FAM13C: variants seen among roughly 807,000 people sequenced by gnomAD.
FAM13C encodes family with sequence similarity 13 member C.
FAM13C carries 37 observed loss-of-function variants against 73.2 expected under a neutral mutation model. The observed-to-expected ratio is 0.51, with a 90% CI of 0.39 to 0.67. FAM13C has a LOEUF of 0.67. Among genes scored for constraint, FAM13C ranks in the 30% least tolerant of loss-of-function variants. The pLI is 0.00. For synonymous variants in FAM13C, 246 were observed against 260.9 expected (o/e 0.94, Z 0.55); for missense variants, 589 against 715.6 (o/e 0.82, Z 2.02).
At chr10:59,287,915 G>T (rs1589462558) in intron 5 of FAM13C, among the ~76,000 whole-genome samples, 1 of 152,102 alleles carries the variant, frequency 6.6e-6, no homozygotes, top group Non-Finnish European at 1.5e-5. Flanking sequence ...TACCCCCCAG[G>T]GTCTTATTTC....
intron 6 of FAM13C, among the ~76,000 whole-genome samples, chr10:59,277,193 T>C (rs1197190710): frequency 6.6e-6 from 1 of 152,176 alleles, no homozygotes. Flanking sequence ...ACTAAGCTAT[T>C]AGTTTAATCA....
At chr10:59,338,901 A>C (rs1474176265) in intron 3 of FAM13C, among the ~76,000 whole-genome samples, 1 of 152,196 alleles carries the variant, frequency 6.6e-6, no homozygotes, top group Non-Finnish European at 1.5e-5. Flanking sequence ...GTGACAGATT[A>C]CCATAATTTG....
intron 4 of FAM13C, among the ~76,000 whole-genome samples, chr10:59,310,696 G>T (rs1264789687): frequency 6.6e-6 from 1 of 152,074 alleles, no homozygotes; most frequent in Non-Finnish European, 1.5e-5. Context: ...CCAGGCCAAT[G>T]AACTCCCAAG....
chr10:59,292,317 C>G (rs1472810289), intron 5 of FAM13C, among the ~76,000 whole-genome samples: 1 of 152,206 alleles, frequency 6.6e-6, no homozygotes, highest in Non-Finnish European at 1.5e-5. Context: ...AACTCCAAAG[C>G]TAGTCTGGGT....
intron 5 of FAM13C, among the ~76,000 whole-genome samples, chr10:59,288,674 T>C (rs1326362951): frequency 2.0e-5 from 3 of 151,924 alleles, no homozygotes; most frequent in Admixed American, 6.6e-5. Flanking sequence ...AAGTGGCAAA[T>C]GGAATAGGAG....
At chr10:59,316,868 C>T (rs1360484598) in intron 4 of FAM13C, among the ~76,000 whole-genome samples, 1 of 151,860 alleles carries the variant, frequency 6.6e-6, no homozygotes, top group Non-Finnish European at 1.5e-5. Flanking sequence ...TTAAGCAGGA[C>T]AAACAAGTTA....
In FAM13C at chr10:59,341,425, C is replaced by T. The variant is rs1246914997; in HGVS notation, c.324+10845G>A. 2.6e-5 allele frequency among the ~76,000 whole-genome samples: 4 copies of T among 152,268 alleles called. 1 individual carries two copies. Among genetic ancestry groups the T allele is most frequent in the Admixed American group, 2.0e-4 (3 of 15,298 alleles). On this transcript the variant is annotated intron_variant, in intron 3 of 13. Transcript: ENST00000618804. ...ATCCCTGGCCAGGCGCAGTGGCTCA[C>T]GCCTGTAATCCCAGCACTTTGAGAG...
intron 3 of FAM13C, among the ~76,000 whole-genome samples, chr10:59,328,111 G>A (rs376926722): frequency 6.6e-6 from 1 of 152,124 alleles, no homozygotes; most frequent in Admixed American, 6.5e-5. Context: ...ACCTCAGTGG[G>A]GTGATTTGTT....
At chr10:59,307,940 C>T (rs1848450134) in intron 4 of FAM13C, among the ~76,000 whole-genome samples, 1 of 152,114 alleles carries the variant, frequency 6.6e-6, no homozygotes, top group African/African-American at 2.4e-5. Flanking sequence ...TGATGGAGAA[C>T]TGGAACAGTA....
intron 6 of FAM13C, among the ~76,000 whole-genome samples, chr10:59,281,388 G>T (rs764785530): frequency 6.6e-6 from 1 of 152,066 alleles, no homozygotes; most frequent in Non-Finnish European, 1.5e-5. Flanking sequence ...AGTCACAAAG[G>T]CACCTTACAA....
At position 59,355,923 on chromosome 10, in the gene FAM13C, G is replaced by C; in HGVS notation, c.83C>G (p.Ser28Cys). The C allele has an allele frequency of 6.2e-7, 1 of 1,614,046 alleles. No homozygotes were observed. Among genetic ancestry groups the C allele is most frequent in the Non-Finnish European group, 8.5e-7 (1 of 1,179,932 alleles). ...TVTECDEDPVSLHEDQTDCSS... is the reference protein window; with the variant it reads ...TVTECDEDPVCLHEDQTDCSS... ...GCAATCAGTCTGGTCTTCATGTAGA[G>C]AGACTGGATCTTCGTCACACCTGGA... Residue 28 changes from serine (S) to cysteine (C), a missense_variant, in exon 2 of 14, where the codon TCT becomes TGT. Physicochemically the swap from Ser to Cys is moderately radical, Grantham distance 112. Transcript: ENST00000618804.
intron 3 of FAM13C, among the ~76,000 whole-genome samples, chr10:59,340,224 AAT>A (rs1491306392): frequency 1.3e-5 from 2 of 152,240 alleles, no homozygotes; most frequent in South Asian, 2.1e-4. Context: ...ATTAAAAAAA[AAT>A]TTTTTTTAAA....
At chr10:59,257,889 G>A (rs1842098877) in intron 10 of FAM13C, among the ~76,000 whole-genome samples, 1 of 152,158 alleles carries the variant, frequency 6.6e-6, no homozygotes, top group South Asian at 2.1e-4. Flanking sequence ...TTGAACCTCA[G>A]TTTCCTAATA....
intron 2 of FAM13C, among the ~76,000 whole-genome samples, chr10:59,355,606 G>T (rs915871964): frequency 6.6e-6 from 1 of 151,994 alleles, no homozygotes; most frequent in African/African-American, 2.4e-5. Flanking sequence ...CTTCCTTTAG[G>T]GTGTGTGATG....
At chr10:59,292,773 T>C (rs1056176448) in intron 5 of FAM13C, among the ~76,000 whole-genome samples, 1 of 152,226 alleles carries the variant, frequency 6.6e-6, no homozygotes, top group African/African-American at 2.4e-5. Context: ...TTTTGATACA[T>C]ACATAGTGAT....
intron 1 of FAM13C, 67 bp from the exon 2 acceptor site, chr10:59,356,010 T>TTG: frequency 7.0e-7 from 1 of 1,434,830 alleles, no homozygotes; most frequent in Non-Finnish European, 9.8e-7. Flanking sequence ...AGCAATAATC[T>TTG]AGAATTGTCT....
chr10:59,269,826 T>C, intron 7 of FAM13C, 73 bp downstream of exon 7: 1 of 1,528,916 alleles, frequency 6.5e-7, no homozygotes, highest in Non-Finnish European at 8.9e-7. Context: ...TCAGTCACAC[T>C]TCATTGTAGC....
chr10:59,312,077 T>C (rs1848993071), intron 4 of FAM13C, among the ~76,000 whole-genome samples: 1 of 142,338 alleles, frequency 7.0e-6, no homozygotes, highest in Admixed American at 7.4e-5. Flanking sequence ...CAGGGACAGA[T>C]GCAGTGAAGG....
At chr10:59,265,264 CT>C (rs1380892335) in intron 8 of FAM13C, among the ~76,000 whole-genome samples, 1 of 134,846 alleles carries the variant, frequency 7.4e-6, no homozygotes, top group African/African-American at 2.8e-5. Context: ...CCTAGAAGAG[CT>C]TGAATAGCAG....
Sources: gnomAD v4.1 joint callset for allele counts (sites outside exome capture counted in the v4.1 genomes callset) on GRCh38, gnomAD v4.1.1 for gene constraint, MANE v1.5 for transcripts, NCBI Gene and HGNC (gene_info 2026-07-23, HGNC 2026-07-21) for gene names.